Variants in SETBP1 observed in about 807,000 individuals in gnomAD.
SETBP1 encodes SET-binding protein.
SETBP1 carries 9 observed loss-of-function variants against 101.0 expected under a neutral mutation model. The observed-to-expected ratio is 0.09, with a 90% confidence interval of 0.05 to 0.16. The LOEUF (loss-of-function observed/expected upper bound fraction) is 0.16, where lower values mean the gene tolerates loss of function less well. Ranked by LOEUF, SETBP1 falls within the 10% of genes least tolerant of loss-of-function variation. The pLI is 1.00. For missense variants in SETBP1, 1,858 were observed against 2,033.8 expected (o/e 0.91, Z 1.66); for synonymous variants, 818 against 788.5 (o/e 1.04, Z -0.63).
Position 44,952,274 on chromosome 18 carries a change from C to G in SETBP1, c.2934C>G (p.His978Gln). The G allele has an allele frequency of 6.2e-7, 1 of 1,614,150 alleles. No individual in the cohort carries two copies. Among genetic ancestry groups the G allele is most frequent in the Non-Finnish European group, 8.5e-7 (1 of 1,180,026 alleles). ...CCCACCGGAGTTACACCTTCTACCA[C>G]GAGAATCCATATCCCAGCATTTTTC... ...RISHRSYTFYHENPYPSIFRI... is the reference protein window; with the variant it reads ...RISHRSYTFYQENPYPSIFRI... Residue 978 changes from histidine to glutamine, a missense_variant, in exon 4 of 6, where the codon CAC (histidine) becomes CAG (glutamine). Around this residue, in one of 12 missense-constraint regions of SETBP1, gnomAD observed 255 missense variants for 300.1 expected, o/e 0.85. Transcript: ENST00000649279.
At chr18:45,058,185 T>C (rs2073839493) in intron 5 of SETBP1, among the ~76,000 whole-genome samples, 1 of 152,174 alleles carries the variant, frequency 6.6e-6, no homozygotes, top group African/African-American at 2.4e-5. Context: ...GCAGGCAAGA[T>C]ATAGGACAAT....
intron 2 of SETBP1, among the ~76,000 whole-genome samples, chr18:44,865,034 G>T (rs544031116): frequency 2.0e-5 from 3 of 152,092 alleles, no homozygotes; most frequent in Admixed American, 6.5e-5. Flanking sequence ...CTGGATTTCT[G>T]AGCAAATCTA....
intron 3 of SETBP1, among the ~76,000 whole-genome samples, chr18:44,903,903 T>G (rs1239221717): frequency 6.6e-6 from 1 of 152,184 alleles, no homozygotes; most frequent in Non-Finnish European, 1.5e-5. Context: ...TAGTCTGATG[T>G]TGTTATTTAA....
chr18:45,023,579 G>T lies in SETBP1; in HGVS notation c.4001-14906G>T, dbSNP rs556878206. Among the ~76,000 whole-genome samples, 12 of 152,308 alleles carry T rather than the reference G, an allele frequency of 7.9e-5. 1 individual carries two copies. In the South Asian group the frequency reaches 2.5e-3, roughly 32 times the overall value. ...AATGTAGCATCAAATTGAATATGTA[G>T]ATGATGACAAAACTTGGCTTATTGG... On this transcript the variant is annotated intron_variant, in intron 4 of 5. Transcript: ENST00000649279.
At chr18:45,060,836 C>T (rs999435711) in intron 5 of SETBP1, among the ~76,000 whole-genome samples, 11 of 151,950 alleles carry the variant, frequency 7.2e-5, no homozygotes, top group African/African-American at 2.7e-4. Context: ...CATAGAGTGA[C>T]AATCCATTGG....
At chr18:44,751,149 G>T (rs887126504) in intron 2 of SETBP1, among the ~76,000 whole-genome samples, 1 of 152,202 alleles carries the variant, frequency 6.6e-6, no homozygotes, top group Non-Finnish European at 1.5e-5. Flanking sequence ...TTTATGGAAT[G>T]TGTAGACAGT....
chr18:44,717,656 A>T (rs2069495400), intron 2 of SETBP1, among the ~76,000 whole-genome samples: 1 of 152,248 alleles, frequency 6.6e-6, no homozygotes, highest in South Asian at 2.1e-4. Context: ...ACATATGATG[A>T]ATGCACTAAA....
chr18:45,052,938 A>G (rs1261239511), intron 5 of SETBP1, among the ~76,000 whole-genome samples: 1 of 152,206 alleles, frequency 6.6e-6, no homozygotes, highest in African/African-American at 2.4e-5. Flanking sequence ...AAATTTTCAC[A>G]ACAGACTAGA....
rs2144072257 is a variant in SETBP1, at chr18:44,680,955, A to C, written c.-239A>C. The C allele has an allele frequency of 6.6e-6, 1 of 152,082 alleles. No homozygotes were observed. Among genetic ancestry groups the C allele is most frequent in the African/African-American group, 2.4e-5 (1 of 41,452 alleles). The allele number at this position is 152,082 out of a possible 1,614,324, so 9.4% of individuals were successfully genotyped here. On this transcript the variant is annotated 5_prime_UTR_variant, in exon 1 of 6. An upstream start codon of the reference 5' UTR is lost. Transcript: ENST00000649279. ...CTAGTTGGATTTTTTTGGGGGGGGA[A>C]TGTATCAGAATCTAACGTGTCGTTA...
At chr18:44,980,028 C>A (rs144253860) in intron 4 of SETBP1, among the ~76,000 whole-genome samples, 281 of 152,276 alleles carry the variant, frequency 1.8e-3, no homozygotes, top group African/African-American at 6.4e-3. Context: ...GTCTGAATGT[C>A]GTGGTTAGAG....
chr18:44,714,882 G>A (rs149237354), intron 2 of SETBP1, among the ~76,000 whole-genome samples: 1 of 152,232 alleles, frequency 6.6e-6, no homozygotes, highest in Non-Finnish European at 1.5e-5. Flanking sequence ...CCAGCACCTT[G>A]ATAAAGTGTA....
At chr18:44,849,287 G>A (rs1039405460) in intron 2 of SETBP1, among the ~76,000 whole-genome samples, 4 of 152,094 alleles carry the variant, frequency 2.6e-5, no homozygotes, top group African/African-American at 7.2e-5. Flanking sequence ...CTCAACCTCT[G>A]TTCTATTCCC....
chr18:44,688,319 G>A (rs1024408807), intron 1 of SETBP1, among the ~76,000 whole-genome samples: 2 of 152,150 alleles, frequency 1.3e-5, no homozygotes, highest in South Asian at 4.1e-4. Context: ...GTTGAGATGG[G>A]GAAGCTGAAT....
chr18:44,893,839 T>G (rs1442866890), intron 3 of SETBP1, among the ~76,000 whole-genome samples: 1 of 152,170 alleles, frequency 6.6e-6, no homozygotes, highest in African/African-American at 2.4e-5. Context: ...TTTGTGTGTG[T>G]GTGTACAGAA....
chr18:44,862,317 C>T (rs555320579), intron 2 of SETBP1, among the ~76,000 whole-genome samples: 1 of 152,136 alleles, frequency 6.6e-6, no homozygotes, highest in Non-Finnish European at 1.5e-5. Context: ...TATTAGTCAT[C>T]CTTGTTGCTC....
At chr18:44,785,404 G>A (rs970197875) in intron 2 of SETBP1, among the ~76,000 whole-genome samples, 6 of 152,142 alleles carry the variant, frequency 3.9e-5, no homozygotes, top group Non-Finnish European at 2.9e-5. Context: ...TCGGTTATTA[G>A]AACTTTTGGA....
intron 3 of SETBP1, among the ~76,000 whole-genome samples, chr18:44,892,001 T>C (rs2069783094): frequency 6.6e-6 from 1 of 152,038 alleles, no homozygotes; most frequent in African/African-American, 2.4e-5. Context: ...ACTCAAAAGT[T>C]GAGGGGAGGA....
intron 2 of SETBP1, among the ~76,000 whole-genome samples, chr18:44,721,040 C>T (rs141116653): frequency 1.6e-4 from 24 of 152,010 alleles, no homozygotes; most frequent in Middle Eastern, 3.4e-3. Context: ...CAGCACCCAG[C>T]GAAGGGCATG....
At chr18:44,973,928 G>C (rs939722914) in intron 4 of SETBP1, among the ~76,000 whole-genome samples, 1 of 152,110 alleles carries the variant, frequency 6.6e-6, no homozygotes. Context: ...TCGTGCCTTA[G>C]GACAGGGCTT....
Sources: allele counts gnomAD v4.1 joint callset (sites outside exome capture counted in the v4.1 genomes callset), GRCh38; gene constraint gnomAD v4.1.1; regional missense constraint gnomAD v4.1.1; transcripts MANE v1.5; gene names NCBI Gene and HGNC (gene_info 2026-07-23, HGNC 2026-07-21).